Variants in QKI observed in about 807,000 individuals in gnomAD.
QKI encodes the protein KH domain-containing RNA-binding protein QKI.
Under a neutral mutation model 39.0 loss-of-function variants are expected in QKI, and 10 were observed. The observed-to-expected ratio is 0.26, with a 90% CI of 0.16 to 0.43. The LOEUF (loss-of-function observed/expected upper bound fraction) is 0.43, where lower values mean the gene tolerates loss of function less well. Ranked by LOEUF, QKI falls within the 20% of genes least tolerant of loss-of-function variation. The pLI is 1.00. For missense variants in QKI, 218 were observed against 428.0 expected (o/e 0.51, Z 4.33); for synonymous variants, 204 against 155.4 (o/e 1.31, Z -2.33).
At chr6:163,484,474 T>C (rs971185873) in intron 3 of QKI, among the ~76,000 whole-genome samples, 1 of 152,204 alleles carries the variant, frequency 6.6e-6, no homozygotes, top group Non-Finnish European at 1.5e-5. Flanking sequence ...GTGCTAGGAT[T>C]ACAGGTGTGA....
chr6:163,417,994 T>C (rs1414460665), intron 1 of QKI, among the ~76,000 whole-genome samples: 1 of 152,132 alleles, frequency 6.6e-6, no homozygotes, highest in Non-Finnish European at 1.5e-5. Context: ...TTTTTCTGGA[T>C]GATTTAATTG....
At chr6:163,426,792 T>C (rs951721473) in intron 1 of QKI, among the ~76,000 whole-genome samples, 1 of 152,240 alleles carries the variant, frequency 6.6e-6, no homozygotes, top group African/African-American at 2.4e-5. Flanking sequence ...TATTACTTGG[T>C]TCTCAAAGTA....
rs1783804066 is a variant in QKI, at chr6:163,573,285, T to A, written c.*2575T>A. On this transcript the variant is annotated 3_prime_UTR_variant, in exon 8 of 8. Transcript: ENST00000361752. Reference sequence around the variant, plus strand: ...ATTTCTTATTAAAATATGTAGTTTTTAAGACTTTTTTTCTGACAGTATTAT... The same window carrying A: ...ATTTCTTATTAAAATATGTAGTTTTAAAGACTTTTTTTCTGACAGTATTAT... 6.6e-6 allele frequency: 1 copy of A among 152,170 alleles called. No homozygotes were observed. Among genetic ancestry groups the A allele is most frequent in the South Asian group, 2.1e-4 (1 of 4,836 alleles). The allele number at this position is 152,170 out of a possible 1,614,324, so 9.4% of individuals were successfully genotyped here.
intron 1 of QKI, among the ~76,000 whole-genome samples, chr6:163,442,124 T>C (rs898781106): frequency 2.6e-5 from 4 of 152,186 alleles, no homozygotes; most frequent in Non-Finnish European, 4.4e-5. Context: ...TTGCAACAGA[T>C]TGAATTCAAG....
chr6:163,478,530 G>A (rs1014016622), intron 2 of QKI, among the ~76,000 whole-genome samples: 3 of 152,140 alleles, frequency 2.0e-5, no homozygotes, highest in African/African-American at 7.2e-5. Context: ...AGTTGTATCT[G>A]TTCTAGCTGT....
chr6:163,415,132 CT>C lies in QKI; in HGVS notation c.-61del. On this transcript the variant is annotated 5_prime_UTR_variant, in exon 1 of 8. Coordinates refer to ENST00000361752, the MANE Select transcript of QKI (RefSeq NM_006775.3). Reference sequence around the variant, plus strand: ...CCGCGGCCGGGGCTCGCCCCCGCCCCTCCCTCCTCTCCGGCGGCGGCGGCGG... The same window carrying C: ...CCGCGGCCGGGGCTCGCCCCCGCCCCCCCTCCTCTCCGGCGGCGGCGGCGG... 1 of 1,305,644 alleles carries C rather than the reference CT, an allele frequency of 7.7e-7. No individual in the cohort carries two copies. Among genetic ancestry groups the C allele is most frequent in the African/African-American group, 1.6e-5 (1 of 63,388 alleles). 80.9% of individuals were successfully genotyped at this position (1,305,644 alleles called of 1,614,324 possible). A position where few individuals can be genotyped will look rare whatever the true frequency, so the allele number is the denominator to read the frequency against.
chr6:163,429,781 A>T (rs138749574), intron 1 of QKI, among the ~76,000 whole-genome samples: 12 of 152,310 alleles, frequency 7.9e-5, no homozygotes, highest in Admixed American at 7.8e-4. Flanking sequence ...TAACATACTT[A>T]ATTGAAACTT....
At chr6:163,519,681 G>A (rs1780033383) in intron 3 of QKI, among the ~76,000 whole-genome samples, 1 of 151,502 alleles carries the variant, frequency 6.6e-6, no homozygotes, top group East Asian at 1.9e-4. Context: ...GTCTATGGTC[G>A]TTTTCAAAAA....
At chr6:163,523,234 C>T (rs1780269201) in intron 3 of QKI, among the ~76,000 whole-genome samples, 1 of 151,606 alleles carries the variant, frequency 6.6e-6, no homozygotes, top group Admixed American at 6.6e-5. Context: ...TCAGTGTTGC[C>T]TGACTGAGTT....
At chr6:163,510,559 C>CA (rs1044774565) in intron 3 of QKI, among the ~76,000 whole-genome samples, 7 of 151,588 alleles carry the variant, frequency 4.6e-5, no homozygotes, top group East Asian at 3.9e-4. Context: ...AGACTTATCT[C>CA]AAAAAAATAA....
At chr6:163,488,100 T>C (rs1777791150) in intron 3 of QKI, among the ~76,000 whole-genome samples, 1 of 152,218 alleles carries the variant, frequency 6.6e-6, no homozygotes, top group Non-Finnish European at 1.5e-5. Flanking sequence ...CAGTTTTATA[T>C]GTTTCCGTTC....
At chr6:163,487,163 G>C (rs1447503936) in intron 3 of QKI, among the ~76,000 whole-genome samples, 1 of 144,964 alleles carries the variant, frequency 6.9e-6, no homozygotes, top group African/African-American at 2.6e-5. Context: ...TCTCTGACAA[G>C]CTCTAGCATG....
Position 163,570,803 on chromosome 6 carries a change from C to T in QKI, c.*93C>T. 3 of 1,529,754 alleles carry T rather than the reference C, an allele frequency of 2.0e-6. No individual in the cohort carries two copies. Among genetic ancestry groups the T allele is most frequent in the Non-Finnish European group, 1.8e-6 (2 of 1,122,548 alleles). The allele number at this position is 1,529,754 out of a possible 1,614,324, so 94.8% of individuals were successfully genotyped here. On this transcript the variant is annotated 3_prime_UTR_variant, in exon 8 of 8. Transcript: ENST00000361752. ...TTAACTGGTAATCGCCTTTGCTTGC[C>T]TGTCGTCAGTGCAGCGAGCTGAGGC...
At chr6:163,419,680 C>A (rs1180988965) in intron 1 of QKI, among the ~76,000 whole-genome samples, 1 of 152,128 alleles carries the variant, frequency 6.6e-6, no homozygotes, top group South Asian at 2.1e-4. Context: ...TCATTCTGTA[C>A]TTTTAAAGCT....
intron 7 of QKI, chr6:163,568,280 C>G: frequency 1.0e-6 from 1 of 984,908 alleles, no homozygotes; most frequent in Non-Finnish European, 1.2e-6. Context: ...CCTATGTATG[C>G]CCCCTTTTAG....
chr6:163,521,513 G>T (rs1476247091), intron 3 of QKI, among the ~76,000 whole-genome samples: 1 of 151,948 alleles, frequency 6.6e-6, no homozygotes, highest in African/African-American at 2.4e-5. Flanking sequence ...CAAATAATTT[G>T]GGGCAGGCAG....
chr6:163,446,594 C>T (rs1486844183), intron 1 of QKI, among the ~76,000 whole-genome samples: 1 of 152,062 alleles, frequency 6.6e-6, no homozygotes. Context: ...GACTGGCTTC[C>T]CCTGAGTATC....
chr6:163,464,441 A>G (rs570826841), intron 2 of QKI, among the ~76,000 whole-genome samples: 2 of 152,284 alleles, frequency 1.3e-5, no homozygotes, highest in South Asian at 4.1e-4. Context: ...GAAAAGGTAA[A>G]CAAAATTGAC....
At chr6:163,569,622 T>A (rs2128252560) in intron 7 of QKI, 1 of 1,008,916 alleles carries the variant, frequency 9.9e-7, no homozygotes, top group East Asian at 1.1e-4. Context: ...ACTTTTCCAC[T>A]TGAGAACTAC....
Sources: allele counts gnomAD v4.1 joint callset (sites outside exome capture counted in the v4.1 genomes callset), GRCh38; gene constraint gnomAD v4.1.1; transcripts MANE v1.5; gene names NCBI Gene and HGNC (gene_info 2026-07-23, HGNC 2026-07-21).